DEPDC1B: variants seen among roughly 807,000 people sequenced by gnomAD.
The protein encoded by DEPDC1B is DEP domain-containing protein 1B.
A neutral mutation model predicts 66.5 loss-of-function variants in DEPDC1B; 51 were observed. The observed-to-expected ratio is 0.77, with a 90% confidence interval of 0.61 to 0.97. DEPDC1B has a LOEUF of 0.97. DEPDC1B is among the 50% of genes least tolerant of loss of function. The pLI is 0.00. For missense variants in DEPDC1B, 552 were observed against 637.1 expected, an observed-to-expected ratio of 0.87 and a Z score of 1.44; for synonymous variants, 226 against 223.6, an observed-to-expected ratio of 1.01 and a Z score of -0.10.
chr5:60,636,710 T>C (rs1032034399), intron 7 of DEPDC1B, among the ~76,000 whole-genome samples: 2 of 152,176 alleles, frequency 1.3e-5, no homozygotes, highest in Non-Finnish European at 2.9e-5. Flanking sequence ...TGAAAGGATC[T>C]AAGAAAATAG....
In DEPDC1B at chr5:60,697,648, GA is replaced by G. The variant is rs554997685; in HGVS notation, c.48+2397del. ...ACTGACAGCAGGAATACTCACTTTT[GA>G]AAAAAAAAATTGGCTATTGTTTTCT... is the stretch of plus-strand genomic sequence containing the variant. On this transcript the variant is annotated intron_variant, in intron 1 of 10. Transcript: ENST00000265036. 7.3e-3 allele frequency among the ~76,000 whole-genome samples: 1,086 copies of G among 149,152 alleles called. 10 individuals carry two copies. Among genetic ancestry groups the G allele is most frequent in the African/African-American group, 0.025 (1,031 of 40,794 alleles).
intron 2 of DEPDC1B, among the ~76,000 whole-genome samples, chr5:60,682,685 C>T (rs1754322600): frequency 6.6e-6 from 1 of 151,936 alleles, no homozygotes; most frequent in Admixed American, 6.5e-5. Context: ...ATTGGAAAAC[C>T]TAAAGGAAAT....
intron 2 of DEPDC1B, among the ~76,000 whole-genome samples, chr5:60,670,688 G>A (rs958390042): frequency 6.6e-6 from 1 of 152,154 alleles, no homozygotes; most frequent in Non-Finnish European, 1.5e-5. Flanking sequence ...ATCCCCCTAG[G>A]AAGAATACAG....
chr5:60,661,116 T>A lies in DEPDC1B; in HGVS notation c.315-13583A>T, dbSNP rs141880075. On this transcript the variant is annotated intron_variant, in intron 2 of 10. Transcript: ENST00000265036. ...TGAAATAAATTTGCATAAGAACTGT[T>A]GTTTATGGGAATACATCTTAATGGG... 4.1e-3 allele frequency among the ~76,000 whole-genome samples: 627 copies of A among 152,282 alleles called. 3 individuals are homozygous for A. The highest frequency in any genetic ancestry group is 0.014 in the Middle Eastern group (4 of 294).
chr5:60,667,385 A>AAAAAATGGATATTTTACATATATAC (rs1554054845), intron 2 of DEPDC1B, among the ~76,000 whole-genome samples: 2 of 142,996 alleles, frequency 1.4e-5, no homozygotes, highest in Admixed American at 7.2e-5. Context: ...ACATATATAC[A>AAAAAATGGATATTTTACATATATAC]AAAAATGGAT....
intron 7 of DEPDC1B, among the ~76,000 whole-genome samples, chr5:60,607,325 A>T (rs75066409): frequency 6.6e-6 from 1 of 152,178 alleles, no homozygotes; most frequent in Non-Finnish European, 1.5e-5. Context: ...TCTTTTCTAG[A>T]CCAAGTGCTG....
intron 2 of DEPDC1B, among the ~76,000 whole-genome samples, chr5:60,664,651 C>T (rs889358859): frequency 6.6e-6 from 1 of 152,178 alleles, no homozygotes; most frequent in African/African-American, 2.4e-5. Context: ...ATGGAAGCTC[C>T]TTTGTAGAAA....
At chr5:60,628,597 C>A (rs1454721569) in intron 7 of DEPDC1B, 4 of 152,130 alleles carry the variant, frequency 2.6e-5, no homozygotes, top group African/African-American at 7.2e-5. Flanking sequence ...AGTAAAAATT[C>A]TTGCCTAAAG....
chr5:60,621,088 A>C (rs1051565126), intron 7 of DEPDC1B, among the ~76,000 whole-genome samples: 3 of 151,316 alleles, frequency 2.0e-5, no homozygotes, highest in Non-Finnish European at 4.4e-5. Flanking sequence ...GAATTGAACA[A>C]TGAGAACACA....
At chr5:60,630,034 T>C (rs1458787118) in intron 7 of DEPDC1B, among the ~76,000 whole-genome samples, 2 of 152,240 alleles carry the variant, frequency 1.3e-5, no homozygotes, top group Non-Finnish European at 1.5e-5. Flanking sequence ...TCCCTAAACA[T>C]ACATTCACCC....
intron 7 of DEPDC1B, among the ~76,000 whole-genome samples, chr5:60,614,199 G>C (rs377588720): frequency 6.6e-6 from 1 of 152,144 alleles, no homozygotes; most frequent in East Asian, 1.9e-4. Flanking sequence ...TTCCCCATCT[G>C]AGCCTTGATT....
chr5:60,634,723 T>G (rs919458221), intron 7 of DEPDC1B, among the ~76,000 whole-genome samples: 2 of 150,514 alleles, frequency 1.3e-5, no homozygotes, highest in Non-Finnish European at 3.0e-5. Context: ...AATAAATAAA[T>G]AGCTTGTGTA....
At chr5:60,613,764 G>GA (rs1449895404) in intron 7 of DEPDC1B, among the ~76,000 whole-genome samples, 1 of 150,058 alleles carries the variant, frequency 6.7e-6, no homozygotes, top group Non-Finnish European at 1.5e-5. Context: ...GACAGTCCAT[G>GA]AAAAAAGGTT....
intron 2 of DEPDC1B, among the ~76,000 whole-genome samples, chr5:60,649,957 G>A (rs1036356019): frequency 6.6e-5 from 10 of 152,088 alleles, no homozygotes; most frequent in African/African-American, 2.4e-4. Context: ...TGGTGAATAA[G>A]ATTCCATATC....
intron 6 of DEPDC1B, among the ~76,000 whole-genome samples, chr5:60,639,342 T>C (rs1663786830): frequency 6.6e-6 from 1 of 152,214 alleles, no homozygotes; most frequent in East Asian, 1.9e-4. Flanking sequence ...ACTTTCATTA[T>C]TTCATTCTTG....
chr5:60,666,174 C>T (rs756117995), intron 2 of DEPDC1B, among the ~76,000 whole-genome samples: 2 of 152,182 alleles, frequency 1.3e-5, no homozygotes, highest in South Asian at 2.1e-4. Flanking sequence ...CCCAGCGAGG[C>T]GCCCATTGCC....
At chr5:60,620,189 A>G (rs1395084239) in intron 7 of DEPDC1B, among the ~76,000 whole-genome samples, 1 of 152,252 alleles carries the variant, frequency 6.6e-6, no homozygotes, top group Non-Finnish European at 1.5e-5. Context: ...TAAAAACCCT[A>G]GAAGAAAACC....
Position 60,605,969 on chromosome 5 carries a change from T to C in DEPDC1B, c.899-113A>G, listed in dbSNP as rs1752301377. 3.4e-6 allele frequency: 3 copies of C among 895,468 alleles called. No individual in the cohort carries two copies. The East Asian group carries it at 8.3e-5, about 25-fold the overall frequency. 55.5% of individuals were successfully genotyped at this position (895,468 alleles called of 1,614,324 possible). ...TAAAATTACATAAAATATTTTCACATATTCAACTATACTGGGTCAATTGAA... is the reference window on the plus strand; with the variant it reads ...TAAAATTACATAAAATATTTTCACACATTCAACTATACTGGGTCAATTGAA... On this transcript the variant is annotated intron_variant, in intron 7 of 10. Coordinates refer to ENST00000265036, the MANE Select transcript of DEPDC1B (RefSeq NM_018369.3).
At position 60,647,431 on chromosome 5, in the gene DEPDC1B, T is replaced by C. The variant is rs1245781599; in HGVS notation, c.417A>G (p.Ser139=). 6.2e-7 allele frequency: 1 copy of C among 1,612,462 alleles called. No individual in the cohort carries two copies. The highest frequency in any genetic ancestry group is 1.3e-5 in the African/African-American group (1 of 74,928). ...CTGGCCTCACTGGGATGTTCTCTTG[T>C]GAAGTGCCTGGTGGGAGATCATTCC... The part of the protein sequence containing the change: ...PEWNDLPPGT[S]QENIPVRPVV... Residue 139 remains serine, a synonymous_variant, in exon 3 of 11, where the codon TCA becomes TCG. Coordinates refer to ENST00000265036, the MANE Select transcript of DEPDC1B (RefSeq NM_018369.3).
Sources: gnomAD v4.1 joint callset for allele counts (sites outside exome capture counted in the v4.1 genomes callset) on GRCh38, gnomAD v4.1.1 for gene constraint, MANE v1.5 for transcripts, NCBI Gene and HGNC (gene_info 2026-07-23, HGNC 2026-07-21) for gene names.